IGFL2: variants seen among roughly 807,000 people sequenced by gnomAD.
IGFL2 encodes IGF like family member 2.
A neutral mutation model predicts 13.9 loss-of-function variants in IGFL2; 7 were observed. The ratio of observed to expected loss-of-function variants is 0.51; its 90% CI spans 0.29 to 0.95. IGFL2 has a LOEUF of 0.95. IGFL2 is among the 40% of genes least tolerant of loss of function. The probability of loss-of-function intolerance (pLI) is 0.08; values close to 1 mark genes in which losing one functional copy is unlikely to be tolerated. For synonymous variants in IGFL2, 55 were observed against 55.8 expected, an observed-to-expected ratio of 0.99 and a Z score of 0.07; for missense variants, 138 against 147.8, an observed-to-expected ratio of 0.93 and a Z score of 0.34.
the IGFL2 span, among the ~76,000 whole-genome samples, chr19:46,121,098 A>C: frequency 6.6e-6 from 1 of 150,440 alleles, no homozygotes; most frequent in Non-Finnish European, 1.5e-5. Context: ...TCCAGGCACC[A>C]CTATAGTGGT....
At chr19:46,147,300 C>T (rs2146827341), upstream of IGFL2, among the ~76,000 whole-genome samples, 1 of 152,280 alleles carries the variant, frequency 6.6e-6, no homozygotes, top group East Asian at 1.9e-4. Context: ...TAGGCTGAGG[C>T]CCACAAACTA....
the IGFL2 span, among the ~76,000 whole-genome samples, chr19:46,201,786 C>T: frequency 2.5e-4 from 38 of 152,110 alleles, 1 homozygote; most frequent in Admixed American, 2.2e-3. Context: ...GGGAGAAGGG[C>T]GGCACTGAGA....
At chr19:46,194,628 C>T in the IGFL2 span, among the ~76,000 whole-genome samples, 1 of 151,798 alleles carries the variant, frequency 6.6e-6, no homozygotes, top group Non-Finnish European at 1.5e-5. Context: ...TCAAGACCAG[C>T]CTGGACAATA....
chr19:46,117,109 A>C, the IGFL2 span, among the ~76,000 whole-genome samples: 1 of 152,160 alleles, frequency 6.6e-6, no homozygotes, highest in Non-Finnish European at 1.5e-5. Flanking sequence ...CTCATTATGT[A>C]AGGTACTTTA....
the IGFL2 span, chr19:46,198,464 G>T: frequency 6.6e-6 from 1 of 152,114 alleles, no homozygotes; most frequent in South Asian, 2.1e-4. Flanking sequence ...AATAAATTCT[G>T]CCTCGGTATG....
the IGFL2 span, among the ~76,000 whole-genome samples, chr19:46,137,841 T>A: frequency 1.3e-5 from 2 of 152,264 alleles, no homozygotes; most frequent in Non-Finnish European, 2.9e-5. Context: ...ATTATGAAGT[T>A]CTTGTAGTCA....
the IGFL2 span, among the ~76,000 whole-genome samples, chr19:46,109,220 T>C: frequency 6.6e-6 from 1 of 152,106 alleles, no homozygotes; most frequent in Non-Finnish European, 1.5e-5. Context: ...TTAGTTCTTA[T>C]AGGTTTGGAA....
At chr19:46,160,557 GA>G in intron 2 of IGFL2, 56 bp from the exon 3 acceptor site, 1 of 1,612,976 alleles carries the variant, frequency 6.2e-7, no homozygotes, top group Non-Finnish European at 8.5e-7. Context: ...CTGATTGGGG[GA>G]TGTAGTGCCT....
the IGFL2 span, among the ~76,000 whole-genome samples, chr19:46,085,846 G>C: frequency 0.011 from 1,667 of 152,208 alleles, 21 homozygotes; most frequent in African/African-American, 0.036. Context: ...GCATTTGCTT[G>C]TATGAAAAGG....
the IGFL2 span, among the ~76,000 whole-genome samples, chr19:46,179,809 G>A: frequency 1.3e-5 from 2 of 152,034 alleles, no homozygotes; most frequent in Non-Finnish European, 2.9e-5. Context: ...CCACCTACTC[G>A]GGGGGCTGAG....
chr19:46,167,971 G>A, the IGFL2 span, among the ~76,000 whole-genome samples: 1 of 152,186 alleles, frequency 6.6e-6, no homozygotes, highest in Admixed American at 6.5e-5. Flanking sequence ...CCAGTCTGTG[G>A]TATTTTGTTA....
At chr19:46,141,803 C>T (rs1021405725), upstream of IGFL2, among the ~76,000 whole-genome samples, 1 of 152,224 alleles carries the variant, frequency 6.6e-6, no homozygotes, top group Non-Finnish European at 1.5e-5. Flanking sequence ...TTACCTCTGT[C>T]ACTGTCTTGC....
chr19:46,146,080 CG>C (rs1308148499), upstream of IGFL2, among the ~76,000 whole-genome samples: 10 of 151,846 alleles, frequency 6.6e-5, no homozygotes, highest in Non-Finnish European at 1.2e-4. Context: ...CCTTGAAATA[CG>C]TAGTTTTACT....
At chr19:46,200,592 T>C in the IGFL2 span, among the ~76,000 whole-genome samples, 1 of 151,660 alleles carries the variant, frequency 6.6e-6, no homozygotes, top group Non-Finnish European at 1.5e-5. Flanking sequence ...CATGACTAAT[T>C]TCAACCTGGA....
chr19:46,156,930 A>T (rs1973857346), intron 1 of IGFL2, among the ~76,000 whole-genome samples: 2 of 152,190 alleles, frequency 1.3e-5, no homozygotes, highest in South Asian at 4.1e-4. Context: ...ACAAATTGTC[A>T]GTATCAGGAA....
chr19:46,146,548 A>G (rs915326205), upstream of IGFL2, among the ~76,000 whole-genome samples: 3 of 152,190 alleles, frequency 2.0e-5, no homozygotes, highest in Non-Finnish European at 4.4e-5. Flanking sequence ...TTTGGAAAGA[A>G]TTGGCATCTT....
At chr19:46,103,490 G>C in the IGFL2 span, among the ~76,000 whole-genome samples, 2 of 152,148 alleles carry the variant, frequency 1.3e-5, no homozygotes, top group African/African-American at 2.4e-5. Context: ...AAGTATTGGA[G>C]TGTGCCCTGT....
chr19:46,139,212 C>T (rs1972743341), upstream of IGFL2, among the ~76,000 whole-genome samples: 1 of 151,638 alleles, frequency 6.6e-6, no homozygotes, highest in Non-Finnish European at 1.5e-5. Flanking sequence ...CCTCACTCCA[C>T]TCTCAATGCC....
downstream of IGFL2, chr19:46,161,334 T>G (rs932856559): frequency 5.0e-5 from 21 of 416,670 alleles, no homozygotes; most frequent in South Asian, 4.1e-4. Context: ...TTTTTTTTTT[T>G]TTGGATTGAA....
Sources: allele counts gnomAD v4.1 joint callset (sites outside exome capture counted in the v4.1 genomes callset), GRCh38; gene constraint gnomAD v4.1.1; transcripts MANE v1.5; gene names NCBI Gene and HGNC (gene_info 2026-07-23, HGNC 2026-07-21).